Variants in TRERF1 observed in about 807,000 individuals in gnomAD.
TRERF1 encodes transcriptional regulating factor 1.
A neutral mutation model predicts 122.9 loss-of-function variants in TRERF1; 27 were observed. That is an observed-to-expected ratio of 0.22 (90% CI 0.16 to 0.30). The LOEUF is 0.30. TRERF1 is among the 10% of genes least tolerant of loss of function. The pLI is 1.00. For missense variants in TRERF1, 1,248 were observed against 1,560.3 expected (o/e 0.80, Z 3.37); for synonymous variants, 636 against 641.7 (o/e 0.99, Z 0.13).
At chr6:42,382,402 TCTC>T in intron 2 of TRERF1, among the ~76,000 whole-genome samples, 1 of 147,516 alleles carries the variant, frequency 6.8e-6, no homozygotes, top group African/African-American at 2.6e-5. Context: ...GCAAAATCCT[TCTC>T]AAAGACGTGA....
At chr6:42,290,138 A>G (rs1192704334) in intron 4 of TRERF1, among the ~76,000 whole-genome samples, 1 of 152,188 alleles carries the variant, frequency 6.6e-6, no homozygotes, top group African/African-American at 2.4e-5. Flanking sequence ...GCCGGTGAAC[A>G]TGGGCCCAGC....
chr6:42,383,617 C>G (rs1329304606), intron 2 of TRERF1, among the ~76,000 whole-genome samples: 1 of 152,148 alleles, frequency 6.6e-6, no homozygotes, highest in Non-Finnish European at 1.5e-5. Flanking sequence ...GCCTCCAATG[C>G]AGCAATGGCC....
intron 3 of TRERF1, among the ~76,000 whole-genome samples, chr6:42,339,521 G>GCAAAAATAGC (rs1766844748): frequency 6.6e-6 from 1 of 152,148 alleles, no homozygotes; most frequent in Admixed American, 6.5e-5. Context: ...GCTACGAATT[G>GCAAAAATAGC]TACCCAAAGC....
intron 8 of TRERF1, among the ~76,000 whole-genome samples, chr6:42,262,605 C>CAGAGAGAGAGAGAG (rs1778382356): frequency 3.2e-4 from 19 of 59,404 alleles, no homozygotes; most frequent in Admixed American, 4.9e-4. Flanking sequence ...GAGAGACAGA[C>CAGAGAGAGAGAGAG]AGACGGAAAC....
chr6:42,363,508 C>T (rs960180964), intron 2 of TRERF1, among the ~76,000 whole-genome samples: 1 of 152,134 alleles, frequency 6.6e-6, no homozygotes, highest in Admixed American at 6.5e-5. Flanking sequence ...TGTCCCACTC[C>T]TCCCCTCACC....
chr6:42,278,953 A>G (rs564859541), intron 4 of TRERF1, among the ~76,000 whole-genome samples: 1 of 152,244 alleles, frequency 6.6e-6, no homozygotes, highest in Non-Finnish European at 1.5e-5. Flanking sequence ...CATCCTTTAC[A>G]GTCTTTTATA....
At chr6:42,376,223 T>C (rs1425345753) in intron 2 of TRERF1, among the ~76,000 whole-genome samples, 1 of 152,236 alleles carries the variant, frequency 6.6e-6, no homozygotes, top group East Asian at 1.9e-4. Context: ...CTTGGAATTC[T>C]AAAATTAAAC....
chr6:42,346,173 A>G (rs1361699232), intron 3 of TRERF1, among the ~76,000 whole-genome samples: 1 of 152,236 alleles, frequency 6.6e-6, no homozygotes, highest in African/African-American at 2.4e-5. Context: ...GCAGCAGACC[A>G]GGGTGCTGAG....
intron 12 of TRERF1, 149 bp from the exon 13 acceptor site, chr6:42,255,075 C>T: frequency 7.2e-6 from 5 of 690,602 alleles, no homozygotes; most frequent in Non-Finnish European, 1.3e-5. Flanking sequence ...ACTCCCCTAA[C>T]TAGGGTTTCA....
intron 2 of TRERF1, among the ~76,000 whole-genome samples, chr6:42,449,093 C>A (rs189420426): frequency 6.6e-6 from 1 of 152,354 alleles, no homozygotes; most frequent in Non-Finnish European, 1.5e-5. Context: ...TGAGTACTTT[C>A]CACACAGTTC....
At chr6:42,351,635 C>G (rs747509438) in intron 3 of TRERF1, among the ~76,000 whole-genome samples, 4 of 152,098 alleles carry the variant, frequency 2.6e-5, no homozygotes, top group Non-Finnish European at 4.4e-5. Flanking sequence ...GCTTCTCTTT[C>G]CAGAGTGTGG....
chr6:42,382,706 T>C (rs1415713262), intron 2 of TRERF1, among the ~76,000 whole-genome samples: 2 of 151,118 alleles, frequency 1.3e-5, no homozygotes, highest in Non-Finnish European at 1.5e-5. Flanking sequence ...GCTTTTTTTT[T>C]CATATTAACA....
At chr6:42,345,921 T>C (rs575211312) in intron 3 of TRERF1, among the ~76,000 whole-genome samples, 29 of 152,296 alleles carry the variant, frequency 1.9e-4, no homozygotes, top group Admixed American at 5.2e-4. Context: ...ACAATATGCA[T>C]CCAGTGAGGG....
At chr6:42,243,435 T>A in intron 14 of TRERF1, 74 bp from the exon 15 acceptor site, 1 of 1,098,620 alleles carries the variant, frequency 9.1e-7, no homozygotes, top group African/African-American at 1.6e-5. Flanking sequence ...TTTTGAATAT[T>A]TAATTTTGTA....
chr6:42,382,698 T>A (rs888609035), intron 2 of TRERF1, among the ~76,000 whole-genome samples: 1 of 150,600 alleles, frequency 6.6e-6, no homozygotes, highest in African/African-American at 2.5e-5. Context: ...TTCGTGCAGC[T>A]TTTTTTTTCA....
At chr6:42,284,121 C>G (rs546857873) in intron 4 of TRERF1, among the ~76,000 whole-genome samples, 1 of 152,192 alleles carries the variant, frequency 6.6e-6, no homozygotes, top group African/African-American at 2.4e-5. Flanking sequence ...AGTTTGGTTT[C>G]TTTAAAAAGG....
In TRERF1 at chr6:42,434,668, CCACACACA is replaced by C. The variant is rs3075920; in HGVS notation, c.-454+16501_-454+16508del. Among the ~76,000 whole-genome samples the C allele has an allele frequency of 7.0e-3, 800 of 114,972 alleles. 7 individuals carry two copies. Among genetic ancestry groups the C allele is most frequent in the African/African-American group, 0.019 (668 of 34,974 alleles). The allele number at this position is 114,972 out of a possible 152,430, so 75.4% of individuals were successfully genotyped here. ...CTGGAACACCAGCAGACACCCTCCA[CCACACACA>C]CACACACACACACACACACACACAC... On this transcript the variant is annotated intron_variant, in intron 2 of 17. Transcript: ENST00000372922.
chr6:42,248,555 G>A (rs998673047), intron 13 of TRERF1, among the ~76,000 whole-genome samples: 2 of 152,158 alleles, frequency 1.3e-5, no homozygotes, highest in African/African-American at 2.4e-5. Context: ...GATTCACCAA[G>A]TTGGCCAGGC....
intron 2 of TRERF1, among the ~76,000 whole-genome samples, chr6:42,400,019 A>G (rs166339): frequency 0.18 from 27,897 of 152,138 alleles, 5,523 homozygotes; most frequent in African/African-American, 0.5. Context: ...TCACTGTGAG[A>G]CTGTGGAAAG....
Sources: allele counts gnomAD v4.1 joint callset (sites outside exome capture counted in the v4.1 genomes callset), GRCh38; gene constraint gnomAD v4.1.1; transcripts MANE v1.5; gene names NCBI Gene and HGNC (gene_info 2026-07-23, HGNC 2026-07-21).